The following CYP39A1 variants were observed in gnomAD, a reference collection of about 807,000 sequenced individuals.
The protein encoded by CYP39A1 is 24-hydroxycholesterol 7-alpha-hydroxylase.
A neutral mutation model predicts 58.1 loss-of-function variants in CYP39A1; 49 were observed. The observed-to-expected ratio is 0.84, with a 90% CI of 0.67 to 1.07. The LOEUF (loss-of-function observed/expected upper bound fraction) is 1.07, where lower values mean the gene tolerates loss of function less well. CYP39A1 is among the 50% of genes least tolerant of loss of function. CYP39A1 has a pLI of 0.00. For synonymous variants in CYP39A1, 209 were observed against 187.6 expected, an observed-to-expected ratio of 1.11 and a Z score of -0.93; for missense variants, 531 against 539.4, an observed-to-expected ratio of 0.98 and a Z score of 0.16.
intron 10 of CYP39A1, chr6:46,583,229 G>C (rs1446983726): frequency 2.0e-6 from 2 of 985,078 alleles, no homozygotes; most frequent in Admixed American, 6.2e-5. Context: ...GATTAATCTT[G>C]CCAAAGATCA....
intron 5 of CYP39A1, among the ~76,000 whole-genome samples, chr6:46,632,616 A>C (rs180877303): frequency 6.6e-5 from 10 of 152,054 alleles, no homozygotes; most frequent in African/African-American, 2.4e-4. Context: ...CCCCCTCCCA[A>C]TCTCTACCCT....
intron 8 of CYP39A1, 39 bp from the exon 9 acceptor site, chr6:46,588,168 A>T: frequency 7.6e-7 from 1 of 1,316,626 alleles, no homozygotes; most frequent in Middle Eastern, 1.9e-4. Flanking sequence ...TTTTTTTGAA[A>T]TATACTTTAA....
At chr6:46,639,361 A>T in intron 3 of CYP39A1, 133 bp downstream of exon 3, 1 of 821,904 alleles carries the variant, frequency 1.2e-6, no homozygotes, top group Non-Finnish European at 1.9e-6. Context: ...AAAAGATTAA[A>T]ATAATCTCTT....
chr6:46,643,000 G>A (rs939054751), intron 1 of CYP39A1, among the ~76,000 whole-genome samples: 1 of 152,056 alleles, frequency 6.6e-6, no homozygotes, highest in Non-Finnish European at 1.5e-5. Flanking sequence ...CTCCATTTGT[G>A]TTATGGATCC....
intron 7 of CYP39A1, among the ~76,000 whole-genome samples, chr6:46,597,374 C>T (rs1236312421): frequency 6.6e-6 from 1 of 151,964 alleles, no homozygotes. Context: ...AAACTATTTT[C>T]TAAGATGTAA....
At chr6:46,634,055 A>G (rs1027932625) in intron 5 of CYP39A1, among the ~76,000 whole-genome samples, 3 of 152,242 alleles carry the variant, frequency 2.0e-5, no homozygotes, top group African/African-American at 7.2e-5. Flanking sequence ...TTTTATTCAA[A>G]TAATGATATG....
intron 10 of CYP39A1, among the ~76,000 whole-genome samples, chr6:46,580,406 A>G (rs1772067202): frequency 6.6e-6 from 1 of 152,216 alleles, no homozygotes; most frequent in Admixed American, 6.5e-5. Context: ...ATGGCTGTAA[A>G]AGAAAATCAA....
intron 10 of CYP39A1, among the ~76,000 whole-genome samples, chr6:46,559,352 C>A (rs1189199579): frequency 1.3e-5 from 2 of 152,092 alleles, no homozygotes; most frequent in African/African-American, 4.8e-5. Context: ...GCAAAAGAGA[C>A]AAACACATTG....
chr6:46,552,267 A>C (rs1480737288), intron 11 of CYP39A1, among the ~76,000 whole-genome samples: 1 of 152,158 alleles, frequency 6.6e-6, no homozygotes, highest in African/African-American at 2.4e-5. Context: ...CTAGTATTTG[A>C]TGTCCATAAA....
intron 7 of CYP39A1, among the ~76,000 whole-genome samples, chr6:46,602,933 G>GGGGGA (rs1554161684): frequency 8.4e-5 from 11 of 130,728 alleles, no homozygotes; most frequent in Admixed American, 3.9e-4. Flanking sequence ...TGGGGGGGGG[G>GGGGGA]AGCTTTATTT....
chr6:46,574,725 G>A (rs1771762756), intron 10 of CYP39A1, among the ~76,000 whole-genome samples: 1 of 152,048 alleles, frequency 6.6e-6, no homozygotes, highest in South Asian at 2.1e-4. Context: ...CAGGATGGGG[G>A]CTGGAGATCT....
At chr6:46,611,256 A>C (rs1002403267) in intron 7 of CYP39A1, among the ~76,000 whole-genome samples, 4 of 152,248 alleles carry the variant, frequency 2.6e-5, no homozygotes, top group African/African-American at 9.6e-5. Flanking sequence ...CTATTGAAAA[A>C]TTACAAGTAA....
chr6:46,613,153 T>A (rs2150552591), intron 7 of CYP39A1, among the ~76,000 whole-genome samples: 1 of 152,374 alleles, frequency 6.6e-6, no homozygotes, highest in African/African-American at 2.4e-5. Flanking sequence ...TTACTAGTGT[T>A]TATACTTGTT....
intron 10 of CYP39A1, among the ~76,000 whole-genome samples, chr6:46,574,742 T>C (rs992399205): frequency 6.6e-6 from 1 of 152,202 alleles, no homozygotes; most frequent in Non-Finnish European, 1.5e-5. Flanking sequence ...ATCTATTTTG[T>C]AAATAAAGGA....
At chr6:46,637,237 A>C (rs899863618) in intron 4 of CYP39A1, among the ~76,000 whole-genome samples, 2 of 151,976 alleles carry the variant, frequency 1.3e-5, no homozygotes, top group African/African-American at 4.8e-5. Flanking sequence ...CCATGCTGGC[A>C]CCCTCATCTC....
intron 10 of CYP39A1, among the ~76,000 whole-genome samples, chr6:46,562,671 T>C (rs774401118): frequency 6.6e-6 from 1 of 151,906 alleles, no homozygotes; most frequent in African/African-American, 2.4e-5. Flanking sequence ...AAAAATATGT[T>C]AGAAAAAATC....
chr6:46,622,928 G>A (rs1330357729), intron 7 of CYP39A1, among the ~76,000 whole-genome samples: 1 of 152,194 alleles, frequency 6.6e-6, no homozygotes, highest in Non-Finnish European at 1.5e-5. Flanking sequence ...AAAGTGGTAT[G>A]AGTCTGACCC....
chr6:46,583,549 G>A (rs1338485765), intron 10 of CYP39A1: 5 of 985,198 alleles, frequency 5.1e-6, no homozygotes, highest in Non-Finnish European at 6.0e-6. Context: ...GAAGAAGTCT[G>A]GTGGTTCATG....
chr6:46,586,586 C>G, intron 10 of CYP39A1: 2 of 985,698 alleles, frequency 2.0e-6, no homozygotes, highest in Non-Finnish European at 2.4e-6. Context: ...GGCTGGGTGC[C>G]AGATTAATTT....
Sources: gnomAD v4.1 joint callset for allele counts (sites outside exome capture counted in the v4.1 genomes callset) on GRCh38, gnomAD v4.1.1 for gene constraint, MANE v1.5 for transcripts, NCBI Gene and HGNC (gene_info 2026-07-23, HGNC 2026-07-21) for gene names.